Variants in AHCYL2 observed in about 807,000 individuals in gnomAD.
The protein encoded by AHCYL2 is S-adenosylhomocysteine hydrolase-like protein 2.
In AHCYL2, 28 loss-of-function variants were observed where a neutral mutation model predicts 81.4. The observed-to-expected ratio is 0.34, with a 90% CI of 0.25 to 0.47. The LOEUF (loss-of-function observed/expected upper bound fraction) is 0.47. Ranked by LOEUF, AHCYL2 falls within the 20% of genes least tolerant of loss-of-function variation. The pLI, the probability that AHCYL2 is intolerant of heterozygous loss-of-function variation, is 1.00. For synonymous variants in AHCYL2, 272 were observed against 290.2 expected, an observed-to-expected ratio of 0.94 and a Z score of 0.64; for missense variants, 551 against 785.1, an observed-to-expected ratio of 0.70 and a Z score of 3.56.
rs189290605 is a variant in AHCYL2 at position 129,316,936 on chromosome 7, G to T, written c.364-62702G>T. Among the ~76,000 whole-genome samples, 15 of 152,324 alleles carry T rather than the reference G, an allele frequency of 9.8e-5. No homozygotes were observed. In the East Asian group the frequency reaches 2.5e-3, roughly 25 times the overall value. The stretch of plus-strand genomic sequence containing the variant: ...TTTCCTCAGTGATGGGGATGAAGAA[G>T]CCTTGAGCTGATAACACGATAACAT... On this transcript the variant is annotated intron_variant, in intron 1 of 16. Coordinates refer to ENST00000325006, the MANE Select transcript of AHCYL2 (RefSeq NM_015328.4).
intron 1 of AHCYL2, among the ~76,000 whole-genome samples, chr7:129,329,868 G>A (rs549030894): frequency 3.3e-4 from 51 of 152,300 alleles, no homozygotes; most frequent in African/African-American, 1.1e-3. Context: ...TGGAGAAGGG[G>A]CAAAGCAAAC....
chr7:129,290,022 T>A (rs181748094), intron 1 of AHCYL2, among the ~76,000 whole-genome samples: 18 of 152,036 alleles, frequency 1.2e-4, no homozygotes, highest in African/African-American at 3.9e-4. Flanking sequence ...CCTCAGGTGA[T>A]CCTCCCGCCT....
intron 1 of AHCYL2, among the ~76,000 whole-genome samples, chr7:129,336,202 G>A (rs1029346673): frequency 3.3e-5 from 5 of 151,442 alleles, no homozygotes; most frequent in African/African-American, 1.2e-4. Context: ...CAAGTAACTG[G>A]GATTACAGGT....
chr7:129,383,553 G>T (rs1795063622), intron 2 of AHCYL2, among the ~76,000 whole-genome samples: 3 of 152,060 alleles, frequency 2.0e-5, no homozygotes, highest in Admixed American at 2.0e-4. Flanking sequence ...ACAGCCAAAT[G>T]TATTCTTTTA....
chr7:129,294,448 TA>T (rs11319368), intron 1 of AHCYL2, among the ~76,000 whole-genome samples: 27,635 of 152,134 alleles, frequency 0.18, 2,784 homozygotes, highest in South Asian at 0.36. Flanking sequence ...CTGTTAGTAT[TA>T]GGAATTTGAT....
At chr7:129,291,422 CA>C (rs1796856758) in intron 1 of AHCYL2, among the ~76,000 whole-genome samples, 2 of 151,450 alleles carry the variant, frequency 1.3e-5, no homozygotes, top group African/African-American at 4.9e-5. Context: ...TGAGGGCATA[CA>C]ACTAGTGAAT....
At chr7:129,327,653 A>G (rs1798269658) in intron 1 of AHCYL2, among the ~76,000 whole-genome samples, 1 of 152,058 alleles carries the variant, frequency 6.6e-6, no homozygotes, top group African/African-American at 2.4e-5. Flanking sequence ...TTTTGTAGAG[A>G]CGAGGTTTTA....
intron 12 of AHCYL2, among the ~76,000 whole-genome samples, chr7:129,417,421 G>A (rs539030946): frequency 7.9e-5 from 12 of 152,232 alleles, no homozygotes; most frequent in Non-Finnish European, 1.3e-4. Flanking sequence ...GAACTAGGGA[G>A]CTGTTGAGGG....
At chr7:129,253,725 C>T (rs1267988079) in intron 1 of AHCYL2, among the ~76,000 whole-genome samples, 4 of 152,146 alleles carry the variant, frequency 2.6e-5, no homozygotes, top group African/African-American at 9.7e-5. Context: ...GATTCTTCTG[C>T]CTCAGCCTTC....
At chr7:129,387,379 G>A (rs547537229) in intron 2 of AHCYL2, among the ~76,000 whole-genome samples, 5 of 152,220 alleles carry the variant, frequency 3.3e-5, no homozygotes, top group South Asian at 2.1e-4. Context: ...TCTTTCAAAC[G>A]GATCAGCTCC....
At chr7:129,337,427 G>A (rs1472910672) in intron 1 of AHCYL2, among the ~76,000 whole-genome samples, 3 of 151,958 alleles carry the variant, frequency 2.0e-5, no homozygotes, top group Non-Finnish European at 4.4e-5. Flanking sequence ...TGGAGATGGA[G>A]TCTCGCTCTT....
At chr7:129,373,428 A>G (rs1348774201) in intron 1 of AHCYL2, among the ~76,000 whole-genome samples, 2 of 151,902 alleles carry the variant, frequency 1.3e-5, no homozygotes, top group Admixed American at 6.6e-5. Flanking sequence ...AAAAAAACAA[A>G]ACAAAACAAA....
At chr7:129,303,519 C>G (rs1043672970) in intron 1 of AHCYL2, among the ~76,000 whole-genome samples, 26 of 152,064 alleles carry the variant, frequency 1.7e-4, no homozygotes, top group African/African-American at 6.0e-4. Context: ...TTTTTCATCT[C>G]TGATTTTATT....
intron 1 of AHCYL2, among the ~76,000 whole-genome samples, chr7:129,249,586 C>T (rs575073367): frequency 5.9e-5 from 9 of 151,948 alleles, no homozygotes; most frequent in African/African-American, 9.6e-5. Flanking sequence ...CCACCGCGCC[C>T]GGCTAATTTT....
chr7:129,425,043 C>A lies in AHCYL2; in HGVS notation c.1630-20C>A, dbSNP rs751349025. The A allele has an allele frequency of 5.6e-6, 9 of 1,613,522 alleles. No individual in the cohort carries two copies. Among genetic ancestry groups the A allele is most frequent in the Non-Finnish European group, 7.6e-6 (9 of 1,179,592 alleles). ...ATTGCCATGAATGGCACATCAGCAT[C>A]CATCTCTCTGCTTTTCTAGGCTCTT... On this transcript the variant is annotated intron_variant, in intron 14 of 16. Transcript: ENST00000325006.
intron 1 of AHCYL2, among the ~76,000 whole-genome samples, chr7:129,262,908 A>G (rs1347441485): frequency 6.6e-6 from 1 of 152,158 alleles, no homozygotes; most frequent in Non-Finnish European, 1.5e-5. Context: ...GTGTTTAGAA[A>G]TCTTAAAATA....
intron 1 of AHCYL2, among the ~76,000 whole-genome samples, chr7:129,301,265 T>G (rs995544023): frequency 1.3e-5 from 2 of 152,220 alleles, no homozygotes; most frequent in Non-Finnish European, 2.9e-5. Context: ...TTATTAATCC[T>G]TTGTCAGATG....
chr7:129,227,482 C>T (rs549998799), intron 1 of AHCYL2, among the ~76,000 whole-genome samples: 9 of 144,562 alleles, frequency 6.2e-5, no homozygotes, highest in African/African-American at 2.0e-4. Context: ...AAAAAAGAGC[C>T]GGGCATGGTG....
chr7:129,285,379 T>C (rs1476499321), intron 1 of AHCYL2, among the ~76,000 whole-genome samples: 3 of 152,150 alleles, frequency 2.0e-5, no homozygotes, highest in Non-Finnish European at 2.9e-5. Context: ...AGATTCCTGA[T>C]GGAGAATCCA....
Sources: gnomAD v4.1 joint callset for allele counts (sites outside exome capture counted in the v4.1 genomes callset) on GRCh38, gnomAD v4.1.1 for gene constraint, MANE v1.5 for transcripts, NCBI Gene and HGNC (gene_info 2026-07-23, HGNC 2026-07-21) for gene names.